The following DENND1A variants were observed in gnomAD, a reference collection of about 807,000 sequenced individuals.
The protein encoded by DENND1A is DENN domain-containing protein 1A.
A neutral mutation model predicts 113.7 loss-of-function variants in DENND1A; 51 were observed. That is an observed-to-expected ratio of 0.45 (90% confidence interval 0.36 to 0.57). The LOEUF (loss-of-function observed/expected upper bound fraction) is 0.57, where lower values mean the gene tolerates loss of function less well. Among genes scored for constraint, DENND1A ranks in the 20% least tolerant of loss-of-function variants. DENND1A has a pLI of 0.00. For synonymous variants in DENND1A, 565 were observed against 570.8 expected (o/e 0.99, Z 0.14); for missense variants, 1,258 against 1,395.9 (o/e 0.90, Z 1.57).
At chr9:123,536,334 G>A (rs1430133980) in intron 13 of DENND1A, among the ~76,000 whole-genome samples, 3 of 152,088 alleles carry the variant, frequency 2.0e-5, no homozygotes, top group Admixed American at 6.6e-5. Context: ...GCCGGGCGTG[G>A]TGGCACATGC....
intron 11 of DENND1A, among the ~76,000 whole-genome samples, chr9:123,587,394 C>T (rs1046087104): frequency 2.0e-5 from 3 of 152,150 alleles, no homozygotes; most frequent in Admixed American, 6.5e-5. Context: ...TCAGCAGTAA[C>T]AATTGCAACA....
chr9:123,870,993 C>G (rs540246972), intron 2 of DENND1A, among the ~76,000 whole-genome samples: 1 of 152,274 alleles, frequency 6.6e-6, no homozygotes, highest in African/African-American at 2.4e-5. Flanking sequence ...TAATTAATAT[C>G]TCTCTAGAAC....
chr9:123,551,790 C>T (rs754892616), intron 13 of DENND1A, among the ~76,000 whole-genome samples: 2 of 152,124 alleles, frequency 1.3e-5, no homozygotes, highest in East Asian at 1.9e-4. Context: ...TGGCCCTCCC[C>T]GCCCTGAGCC....
chr9:123,810,283 C>A (rs1391622265), intron 2 of DENND1A, among the ~76,000 whole-genome samples: 1 of 152,142 alleles, frequency 6.6e-6, no homozygotes, highest in Non-Finnish European at 1.5e-5. Context: ...CTGGGTGGAA[C>A]TCCTCAGGCT....
intron 11 of DENND1A, 90 bp downstream of exon 11, chr9:123,609,346 C>A: frequency 1.4e-6 from 2 of 1,425,548 alleles, no homozygotes; most frequent in South Asian, 1.2e-5. Context: ...ACGTGCAGAG[C>A]TGTGACTGCT....
chr9:123,722,264 A>G (rs890188643), intron 5 of DENND1A, among the ~76,000 whole-genome samples: 6 of 152,256 alleles, frequency 3.9e-5, no homozygotes, highest in African/African-American at 1.4e-4. Context: ...TAAGCAGCAA[A>G]GCATTCAAGA....
chr9:123,601,241 G>A (rs192578676), intron 11 of DENND1A, among the ~76,000 whole-genome samples: 5 of 152,222 alleles, frequency 3.3e-5, no homozygotes, highest in Admixed American at 6.5e-5. Context: ...GACTGAAAAC[G>A]TACTGACTGC....
At chr9:123,851,634 T>A (rs567000628) in intron 2 of DENND1A, among the ~76,000 whole-genome samples, 3 of 152,184 alleles carry the variant, frequency 2.0e-5, no homozygotes, top group Non-Finnish European at 4.4e-5. Flanking sequence ...CTCAGTGGTC[T>A]CACTAGAAAA....
At chr9:123,477,489 T>A (rs2050010296) in intron 13 of DENND1A, among the ~76,000 whole-genome samples, 2 of 151,696 alleles carry the variant, frequency 1.3e-5, no homozygotes, top group South Asian at 4.2e-4. Flanking sequence ...CCCGTGAGGT[T>A]AAGGCTGCAG....
chr9:123,467,691 A>G (rs951527694), intron 13 of DENND1A, among the ~76,000 whole-genome samples: 14 of 152,116 alleles, frequency 9.2e-5, no homozygotes, highest in African/African-American at 3.4e-4. Context: ...ACACCAGTTC[A>G]AAGGTAAAAA....
chr9:123,876,160 G>A (rs1302799598), intron 2 of DENND1A, among the ~76,000 whole-genome samples: 2 of 152,034 alleles, frequency 1.3e-5, no homozygotes, highest in Non-Finnish European at 2.9e-5. Context: ...CAATCAGACA[G>A]ATACAAATCC....
At chr9:123,889,691 G>A (rs996441560) in intron 1 of DENND1A, among the ~76,000 whole-genome samples, 3 of 152,178 alleles carry the variant, frequency 2.0e-5, no homozygotes, top group Admixed American at 6.5e-5. Context: ...AATCAAAAGA[G>A]GCCGGGCGTG....
intron 6 of DENND1A, among the ~76,000 whole-genome samples, chr9:123,675,952 A>G (rs753501872): frequency 1.3e-5 from 2 of 152,248 alleles, no homozygotes; most frequent in Non-Finnish European, 2.9e-5. Flanking sequence ...TTCTCATAAC[A>G]GTAGAAAAAT....
intron 11 of DENND1A, among the ~76,000 whole-genome samples, chr9:123,598,486 A>T (rs1191049728): frequency 6.7e-6 from 1 of 149,786 alleles, no homozygotes; most frequent in East Asian, 1.9e-4. Context: ...AACCAACCCC[A>T]AAGTCCCAAA....
intron 2 of DENND1A, among the ~76,000 whole-genome samples, chr9:123,840,063 C>G (rs1187008488): frequency 6.7e-6 from 1 of 149,482 alleles, no homozygotes; most frequent in Non-Finnish European, 1.5e-5. Context: ...ACATCGACCC[C>G]ATGTTTCAAG....
At position 123,457,413 on chromosome 9, in the gene DENND1A, A is replaced by C; in HGVS notation, c.1121T>G (p.Leu374Arg). ...ACTGAAACCTTCGCCGGAATTGAGA[A>C]GATCTAATCGACCATCAATAAACTA... is the stretch of plus-strand genomic sequence containing the variant. ...FKQFIDGRLD[L>R]LNSGEGFSDV... The change falls in exon 15 of 24, where the codon CTT becomes CGT. Residue 374 changes from leucine to arginine, a missense_variant. Leu to Arg is a moderately radical substitution (Grantham distance 102). Around this residue, in one of 2 missense-constraint regions of DENND1A, gnomAD observed 1,159 missense variants for 1,231.7 expected, o/e 0.94. Transcript: ENST00000394215. The C allele has an allele frequency of 1.2e-6, 2 of 1,614,028 alleles. No individual in the cohort carries two copies. Among genetic ancestry groups the C allele is most frequent in the Non-Finnish European group, 1.7e-6 (2 of 1,179,878 alleles).
intron 19 of DENND1A, chr9:123,414,552 TG>T (rs1211103989): frequency 3.2e-6 from 5 of 1,550,132 alleles, no homozygotes; most frequent in South Asian, 2.4e-5. Flanking sequence ...TGAGAAATGC[TG>T]TCTTCTGTCT....
intron 1 of DENND1A, among the ~76,000 whole-genome samples, chr9:123,891,605 T>C (rs931880858): frequency 7.2e-5 from 11 of 152,364 alleles, no homozygotes; most frequent in African/African-American, 2.2e-4. Flanking sequence ...TGAGACTCTT[T>C]AGAAGACCTT....
At chr9:123,407,329 G>C (rs1233565148) in intron 20 of DENND1A, among the ~76,000 whole-genome samples, 1 of 151,920 alleles carries the variant, frequency 6.6e-6, no homozygotes, top group Non-Finnish European at 1.5e-5. Flanking sequence ...TACACTCACA[G>C]ACCTGACCAT....
Sources: allele counts gnomAD v4.1 joint callset (sites outside exome capture counted in the v4.1 genomes callset), GRCh38; gene constraint gnomAD v4.1.1; regional missense constraint gnomAD v4.1.1; transcripts MANE v1.5; gene names NCBI Gene and HGNC (gene_info 2026-07-23, HGNC 2026-07-21).